DAB2: variants seen among roughly 807,000 people sequenced by gnomAD.
The protein encoded by DAB2 is disabled homolog 2.
A neutral mutation model predicts 71.6 loss-of-function variants in DAB2; 28 were observed. The ratio of observed to expected loss-of-function variants is 0.39; its 90% CI spans 0.29 to 0.54. The LOEUF (loss-of-function observed/expected upper bound fraction) is 0.54, where lower values mean the gene tolerates loss of function less well. Ranked by LOEUF, DAB2 falls within the 20% of genes least tolerant of loss-of-function variation. The pLI, the probability that DAB2 is intolerant of heterozygous loss-of-function variation, is 0.68. For synonymous variants in DAB2, 345 were observed against 339.7 expected (o/e 1.02, Z -0.17); for missense variants, 867 against 928.8 (o/e 0.93, Z 0.86).
chr5:39,412,185 G>A (rs1561379606), intron 1 of DAB2, among the ~76,000 whole-genome samples: 1 of 152,014 alleles, frequency 6.6e-6, no homozygotes, highest in Non-Finnish European at 1.5e-5. Context: ...ATTGTGCATG[G>A]CCAGAGAGAT....
Position 39,401,072 on chromosome 5 carries a change from A to C in DAB2, c.-101-6651T>G, listed in dbSNP as rs1216455697. ...TTAGACTGTTTCTGATACTTTATGC[A>C]AATCCTTCCTTTAACTGCTTTTTTG... On this transcript the variant is annotated intron_variant, in intron 1 of 14. Coordinates refer to ENST00000320816, the MANE Select transcript of DAB2 (RefSeq NM_001343.4). 2.0e-5 allele frequency among the ~76,000 whole-genome samples: 3 copies of C among 152,308 alleles called. No individual in the cohort carries two copies. The East Asian group carries it at 5.8e-4, about 29-fold the overall frequency.
At position 39,377,029 on chromosome 5, in the gene DAB2, T is replaced by G; in HGVS notation, c.1758A>C (p.Thr586=). 6.2e-7 allele frequency: 1 copy of G among 1,614,122 alleles called. No individual in the cohort carries two copies. The highest frequency in any genetic ancestry group is 1.1e-5 in the South Asian group (1 of 91,074). ...SASVAPNAWS[T]TSPLGNPFQS... ...GAAAAGGATTCCCCAAAGGGCTTGT[T>G]GTTGACCAAGCATTGGGTGCCACAG... Residue 586 remains threonine, a synonymous_variant, in exon 12 of 15, where the codon ACA becomes ACC. Transcript: ENST00000320816.
rs1364828481 is a variant in DAB2 at position 39,372,487 on chromosome 5, C to T, written c.*944G>A. 1.3e-5 allele frequency: 2 copies of T among 152,186 alleles called. No homozygotes were observed. Among genetic ancestry groups the T allele is most frequent in the Non-Finnish European group, 1.5e-5 (1 of 68,040 alleles). 9.4% of individuals were successfully genotyped at this position (152,186 alleles called of 1,614,324 possible). On this transcript the variant is annotated 3_prime_UTR_variant, in exon 15 of 15. Coordinates refer to ENST00000320816, the MANE Select transcript of DAB2 (RefSeq NM_001343.4). The stretch of plus-strand genomic sequence containing the variant: ...TTCAATTTCTCTTGAACATTAACTG[C>T]TCTTCTGGAACTTCAGCTCAAGAGA...
intron 1 of DAB2, among the ~76,000 whole-genome samples, chr5:39,419,786 C>T (rs1208899857): frequency 1.3e-5 from 2 of 152,098 alleles, no homozygotes; most frequent in Admixed American, 1.3e-4. Flanking sequence ...GTGATAATAT[C>T]AAACCAAAAG....
At chr5:39,396,091 G>A (rs1755364121) in intron 1 of DAB2, among the ~76,000 whole-genome samples, 2 of 151,900 alleles carry the variant, frequency 1.3e-5, no homozygotes, top group Non-Finnish European at 2.9e-5. Flanking sequence ...TGGGATTACA[G>A]GTGAGGGGCA....
At chr5:39,378,811 A>G (rs1306231851) in intron 11 of DAB2, among the ~76,000 whole-genome samples, 1 of 152,230 alleles carries the variant, frequency 6.6e-6, no homozygotes. Flanking sequence ...GCAGCAAGGC[A>G]TGGGGCAATT....
rs1213255617 is a variant in DAB2, at chr5:39,376,758, CAGA to C, written c.2026_2028del (p.Ser676del). The C allele has an allele frequency of 3.7e-6, 6 of 1,614,020 alleles. No homozygotes were observed. Among genetic ancestry groups the C allele is most frequent in the African/African-American group, 2.7e-5 (2 of 74,914 alleles). On this transcript the variant is annotated inframe_deletion, in exon 12 of 15. Coordinates refer to ENST00000320816, the MANE Select transcript of DAB2 (RefSeq NM_001343.4). ...TAACTGGCAAAGGCACTCAAAGTCCCAGAAGAAGTCTGCTCTCCCTTCCGCGCG... is the reference window on the plus strand; with the variant it reads ...TAACTGGCAAAGGCACTCAAAGTCCCAGAAGTCTGCTCTCCCTTCCGCGCG...
chr5:39,399,764 G>A (rs1337061699), intron 1 of DAB2, among the ~76,000 whole-genome samples: 1 of 152,214 alleles, frequency 6.6e-6, no homozygotes, highest in Non-Finnish European at 1.5e-5. Flanking sequence ...ATAAAAATCA[G>A]CTGTTGCTTA....
At chr5:39,390,604 T>C in intron 4 of DAB2, 29 bp from the exon 5 acceptor site, 1 of 1,565,668 alleles carries the variant, frequency 6.4e-7, no homozygotes, top group Non-Finnish European at 8.8e-7. Flanking sequence ...GAGTAATTTA[T>C]TAAGAAAACT....
At chr5:39,379,793 T>C (rs1306407341) in intron 11 of DAB2, among the ~76,000 whole-genome samples, 1 of 148,720 alleles carries the variant, frequency 6.7e-6, no homozygotes, top group Non-Finnish European at 1.5e-5. Flanking sequence ...CAACCTTCCA[T>C]GGTTTGGCTG....
chr5:39,381,642 A>G (rs1754984134), intron 10 of DAB2, 26 bp from the exon 11 acceptor site: 1 of 1,612,534 alleles, frequency 6.2e-7, no homozygotes, highest in South Asian at 1.1e-5. Flanking sequence ...GGGAGGGAGA[A>G]GCCTTAGTTA....
chr5:39,379,443 C>CAAAA (rs33949918), intron 11 of DAB2, among the ~76,000 whole-genome samples: 51 of 71,988 alleles, frequency 7.1e-4, no homozygotes, highest in South Asian at 3.5e-3. Flanking sequence ...GACTCTGTCT[C>CAAAA]AAAAAAAAAA....
chr5:39,412,377 C>T (rs1165893608), intron 1 of DAB2, among the ~76,000 whole-genome samples: 3 of 152,134 alleles, frequency 2.0e-5, no homozygotes, highest in East Asian at 1.9e-4. Flanking sequence ...ACCAAGTTTG[C>T]CCCTGAATTC....
At chr5:39,391,744 A>T (rs1284028826) in intron 4 of DAB2, among the ~76,000 whole-genome samples, 8 of 152,144 alleles carry the variant, frequency 5.3e-5, no homozygotes, top group Middle Eastern at 3.2e-3. Flanking sequence ...AAACAAGGCA[A>T]AATAAGTAAG....
intron 9 of DAB2, among the ~76,000 whole-genome samples, chr5:39,384,249 C>T (rs1755045198): frequency 6.6e-6 from 1 of 152,214 alleles, no homozygotes. Flanking sequence ...TGAAATGGCA[C>T]ATAGTGCCAA....
intron 10 of DAB2, among the ~76,000 whole-genome samples, chr5:39,382,202 T>C (rs1016296347): frequency 6.6e-6 from 1 of 152,186 alleles, no homozygotes; most frequent in Admixed American, 6.5e-5. Flanking sequence ...GAGAATTTTA[T>C]ACCACCACCA....
chr5:39,373,982 C>G (rs902966656), intron 14 of DAB2, among the ~76,000 whole-genome samples: 1 of 152,080 alleles, frequency 6.6e-6, no homozygotes, highest in Non-Finnish European at 1.5e-5. Context: ...TAATGATTTA[C>G]CCAGTTCTCT....
chr5:39,394,466 A>C, intron 1 of DAB2, 45 bp from the exon 2 acceptor site: 1 of 633,236 alleles, frequency 1.6e-6, no homozygotes, highest in Non-Finnish European at 2.8e-6. Context: ...AACACAGCAG[A>C]CCCAGACTTT....
At chr5:39,374,142 G>C (rs1754763233) in intron 14 of DAB2, among the ~76,000 whole-genome samples, 1 of 152,072 alleles carries the variant, frequency 6.6e-6, no homozygotes, top group Non-Finnish European at 1.5e-5. Flanking sequence ...TTCTAGATGA[G>C]CCAAATCACA....
Sources: gnomAD v4.1 joint callset for allele counts (sites outside exome capture counted in the v4.1 genomes callset) on GRCh38, gnomAD v4.1.1 for gene constraint, MANE v1.5 for transcripts, NCBI Gene and HGNC (gene_info 2026-07-23, HGNC 2026-07-21) for gene names.